Variants in OR2B2 observed in about 807,000 individuals in gnomAD.
The protein encoded by OR2B2 is olfactory receptor family 2 subfamily B member 2, also known as olfactory receptor 2B2.
For synonymous variants in OR2B2, 137 were observed against 150.9 expected (o/e 0.91, Z 0.67); for missense variants, 362 against 422.4 (o/e 0.86, Z 1.25).
rs1267542809 is a variant in OR2B2 at position 27,912,147 on chromosome 6, G to C, written c.173C>G (p.Pro58Arg). 1 of 1,614,188 alleles carries C rather than the reference G, an allele frequency of 6.2e-7. No individual in the cohort carries two copies. Among genetic ancestry groups the C allele is most frequent in the East Asian group, 2.2e-5 (1 of 44,888 alleles). ...VSHVDFKLHT[P>R]MYFFLSNLSL... ...GAGATTGCTAAGAAAAAAGTACATA[G>C]GGGTGTGGAGTTTGAAATCCACATG... The change falls in exon 1 of 1, where the codon CCT (proline) becomes CGT (arginine). Residue 58 changes from proline (P) to arginine (R), a missense_variant. Coordinates refer to ENST00000303324, the MANE Select transcript of OR2B2 (RefSeq NM_033057.2).
chr6:27,911,287 T>A lies in OR2B2; in HGVS notation c.1033A>T (p.Ile345Leu). 1 of 1,598,002 alleles carries A rather than the reference T, an allele frequency of 6.3e-7. No homozygotes were observed. ...SASCPIFVITIENYCNLPQRK... is the reference protein window; with the variant it reads ...SASCPIFVITLENYCNLPQRK... ...TGAGGGAGATTACAATAGTTTTCTA[T>A]AGTAATGACAAAAATAGGACAACTT... is the stretch of plus-strand genomic sequence containing the variant. Residue 345 changes from isoleucine (I) to leucine (L), a missense_variant, in exon 1 of 1, where the codon ATA (isoleucine) becomes TTA (leucine). By Grantham distance (5) the Ile-to-Leu change is conservative. Coordinates refer to ENST00000303324, the MANE Select transcript of OR2B2 (RefSeq NM_033057.2).
Position 27,911,568 on chromosome 6 carries a change from A to T in OR2B2, c.752T>A (p.Phe251Tyr). 6.2e-7 allele frequency: 1 copy of T among 1,614,104 alleles called. No homozygotes were observed. The highest frequency in any genetic ancestry group is 2.2e-5 in the East Asian group (1 of 44,880). Residue 251 changes from phenylalanine (F) to tyrosine (Y), a missense_variant, in exon 1 of 1, where the codon TTT becomes TAT. Physicochemically the swap from Phe to Tyr is conservative, Grantham distance 22. Transcript: ENST00000303324. Reference sequence around the variant, plus strand: ...GTACATGGAGATAGCTGTACCATAAAAAAGTGACACCACAATTAGATGGGA... The same window carrying T: ...GTACATGGAGATAGCTGTACCATAATAAAGTGACACCACAATTAGATGGGA... ...CGSHLIVVSL[F>Y]YGTAISMYLQ...
At position 27,911,810 on chromosome 6, in the gene OR2B2, A is replaced by G; in HGVS notation, c.510T>C (p.Gly170=). Residue 170 remains glycine, a synonymous_variant, in exon 1 of 1, where the codon GGT becomes GGC. Coordinates refer to ENST00000303324, the MANE Select transcript of OR2B2 (RefSeq NM_033057.2). The part of the protein sequence containing the change: ...STWTLKMPLC[G]HKEVDHFFCE... ...AGAAGAAGTGATCCACTTCTTTGTG[A>G]CCACACAGTGGCATCTTAAGTGTCC... is the stretch of plus-strand genomic sequence containing the variant. 6.2e-7 allele frequency: 1 copy of G among 1,614,204 alleles called. No homozygotes were observed. The highest frequency in any genetic ancestry group is 8.5e-7 in the Non-Finnish European group (1 of 1,180,050).
chr6:27,911,599 A>G lies in OR2B2; in HGVS notation c.721T>C (p.Cys241Arg). Residue 241 changes from cysteine to arginine, a missense_variant, in exon 1 of 1, where the codon TGT becomes CGT. Cys to Arg is a radical substitution (Grantham distance 180). Coordinates refer to ENST00000303324, the MANE Select transcript of OR2B2 (RefSeq NM_033057.2). The part of the protein sequence containing the change: ...AEGQRKAFGT[C>R]GSHLIVVSLF... ...GACACCACAATTAGATGGGAGCCAC[A>G]TGTCCCAAATGCCTTTCGTTGACCT... 1 of 1,614,204 alleles carries G rather than the reference A, an allele frequency of 6.2e-7. No homozygotes were observed.
Position 27,911,287 on chromosome 6 carries a change from T to C in OR2B2, c.1033A>G (p.Ile345Val), listed in dbSNP as rs375458136. 7 of 1,597,884 alleles carry C rather than the reference T, an allele frequency of 4.4e-6. No homozygotes were observed. Among genetic ancestry groups the C allele is most frequent in the South Asian group, 2.3e-5 (2 of 87,754 alleles). Residue 345 changes from isoleucine (I) to valine (V), a missense_variant, in exon 1 of 1, where the codon ATA becomes GTA. Physicochemically the swap from Ile to Val is conservative, Grantham distance 29 (BLOSUM62 3). Coordinates refer to ENST00000303324, the MANE Select transcript of OR2B2 (RefSeq NM_033057.2). ...SASCPIFVIT[I>V]ENYCNLPQRK... The stretch of plus-strand genomic sequence containing the variant: ...TGAGGGAGATTACAATAGTTTTCTA[T>C]AGTAATGACAAAAATAGGACAACTT...
chr6:27,911,590 G>A lies in OR2B2; in HGVS notation c.730C>T (p.His244Tyr), dbSNP rs1173046814. 9 of 1,613,998 alleles carry A rather than the reference G, an allele frequency of 5.6e-6. No homozygotes were observed. The highest frequency in any genetic ancestry group is 7.6e-6 in the Non-Finnish European group (9 of 1,180,000). Residue 244 changes from histidine to tyrosine, a missense_variant, in exon 1 of 1, where the codon CAT becomes TAT. By Grantham distance (83) the His-to-Tyr change is moderately conservative. Transcript: ENST00000303324. ...TAAAAAAGTGACACCACAATTAGAT[G>A]GGAGCCACATGTCCCAAATGCCTTT... ...QRKAFGTCGS[H>Y]LIVVSLFYGT... is the part of the protein sequence containing the mutation.
chr6:27,912,086 A>C lies in OR2B2; in HGVS notation c.234T>G (p.Val78=). 2 of 1,614,260 alleles carry C rather than the reference A, an allele frequency of 1.2e-6. No homozygotes were observed. The highest frequency in any genetic ancestry group is 1.7e-6 in the Non-Finnish European group (2 of 1,180,036). The change falls in exon 1 of 1, where the codon GTT becomes GTG. Residue 78 remains valine, a synonymous_variant. Coordinates refer to ENST00000303324, the MANE Select transcript of OR2B2 (RefSeq NM_033057.2). ...TGCATATGTTTACCAGCATTTGTGG[A>C]ACTGTACTTGTGGTATAGCAAAGGT... ...LLDLCYTTST[V]PQMLVNICNT...
Position 27,911,974 on chromosome 6 carries a change from C to T in OR2B2, c.346G>A (p.Ala116Thr). ...ACAAACCTATCAAAGCACATGACGG[C>T]CAGGAGAAGACATTCTGTGGAACCC... ...ALGSTECLLL[A>T]VMCFDRFVAI... Residue 116 changes from alanine (A) to threonine (T), a missense_variant, in exon 1 of 1, where the codon GCC becomes ACC. Coordinates refer to ENST00000303324, the MANE Select transcript of OR2B2 (RefSeq NM_033057.2). The T allele has an allele frequency of 1.9e-6, 3 of 1,614,116 alleles. No homozygotes were observed. The highest frequency in any genetic ancestry group is 2.2e-5 in the South Asian group (2 of 91,080).
Position 27,912,345 on chromosome 6 carries a change from C to A in OR2B2, c.-26G>T. 1 of 1,413,594 alleles carries A rather than the reference C, an allele frequency of 7.1e-7. No homozygotes were observed. The highest frequency in any genetic ancestry group is 1.3e-5 in the South Asian group (1 of 74,332). 87.6% of individuals were successfully genotyped at this position (1,413,594 alleles called of 1,614,324 possible). A position where few individuals can be genotyped will look rare whatever the true frequency, so the allele number is the denominator to read the frequency against. On this transcript the variant is annotated 5_prime_UTR_variant, in exon 1 of 1. Coordinates refer to ENST00000303324, the MANE Select transcript of OR2B2 (RefSeq NM_033057.2). ...GTTAAATGGTTCAACTCTTCGTTCT[C>A]TGAAATATAAGAAGTCAGGAAGTTA...
rs200384354 is a variant in OR2B2 at position 27,911,314 on chromosome 6, C to T, written c.1006G>A (p.Ala336Thr). The change falls in exon 1 of 1, where the codon GCA becomes ACA. Residue 336 changes from alanine (A) to threonine (T), a missense_variant. By Grantham distance (58) the Ala-to-Thr change is moderately conservative (BLOSUM62 0). Coordinates refer to ENST00000303324, the MANE Select transcript of OR2B2 (RefSeq NM_033057.2). Reference sequence around the variant, plus strand: ...GTAATGACAAAAATAGGACAACTTGCGGAGAAGTTAGTAAGGTAAGTAAGC... The same window carrying T: ...GTAATGACAAAAATAGGACAACTTGTGGAGAAGTTAGTAAGGTAAGTAAGC... Reference protein sequence around the residue: ...TVLTYLTNFSASCPIFVITIE... With the variant: ...TVLTYLTNFSTSCPIFVITIE... 1.5e-5 allele frequency: 24 copies of T among 1,607,850 alleles called. No individual in the cohort carries two copies. Among genetic ancestry groups the T allele is most frequent in the Middle Eastern group, 1.7e-4 (1 of 6,026 alleles).
chr6:27,912,054 C>T lies in OR2B2; in HGVS notation c.266G>A (p.Arg89Lys). 2 of 1,614,196 alleles carry T rather than the reference C, an allele frequency of 1.2e-6. No individual in the cohort carries two copies. The highest frequency in any genetic ancestry group is 1.7e-6 in the Non-Finnish European group (2 of 1,180,036). The change falls in exon 1 of 1, where the codon AGG (arginine) becomes AAG (lysine). Residue 89 changes from arginine (R) to lysine (K), a missense_variant. Physicochemically the swap from Arg to Lys is conservative, Grantham distance 26 (BLOSUM62 2). Coordinates refer to ENST00000303324, the MANE Select transcript of OR2B2 (RefSeq NM_033057.2). ...PQMLVNICNTRKVISYGGCVA... is the reference protein window; with the variant it reads ...PQMLVNICNTKKVISYGGCVA... ...ACAGCCACCATAACTGATTACTTTC[C>T]TGGTGTTGCATATGTTTACCAGCAT...
Position 27,912,064 on chromosome 6 carries a change from A to G in OR2B2, c.256T>C (p.Cys86Arg). ...TAACTGATTACTTTCCTGGTGTTGC[A>G]TATGTTTACCAGCATTTGTGGAACT... ...STVPQMLVNI[C>R]NTRKVISYGG... The change falls in exon 1 of 1, where the codon TGC becomes CGC. Residue 86 changes from cysteine to arginine, a missense_variant. Transcript: ENST00000303324. The G allele has an allele frequency of 6.2e-7, 1 of 1,614,218 alleles. No individual in the cohort carries two copies. Among genetic ancestry groups the G allele is most frequent in the South Asian group, 1.1e-5 (1 of 91,090 alleles).
chr6:27,912,303 T>C lies in OR2B2; in HGVS notation c.17A>G (p.Lys6Arg). The C allele has an allele frequency of 6.3e-7, 1 of 1,594,772 alleles. No homozygotes were observed. MNWVN[K>R]SVPQEFILLV... is the part of the protein sequence containing the mutation. Reference sequence around the variant, plus strand: ...CAGAATGAACTCCTGTGGGACACTCTTATTTACCCAATTCATGTTAAATGG... The same window carrying C: ...CAGAATGAACTCCTGTGGGACACTCCTATTTACCCAATTCATGTTAAATGG... The change falls in exon 1 of 1, where the codon AAG becomes AGG. Residue 6 changes from lysine to arginine, a missense_variant. Coordinates refer to ENST00000303324, the MANE Select transcript of OR2B2 (RefSeq NM_033057.2).
Position 27,911,855 on chromosome 6 carries a change from A to T in OR2B2, c.465T>A (p.Asn155Lys), listed in dbSNP as rs748216466. The T allele has an allele frequency of 3.7e-6, 6 of 1,614,198 alleles. No individual in the cohort carries two copies. The East Asian group carries it at 1.3e-4, about 36-fold the overall frequency. The change falls in exon 1 of 1, where the codon AAT becomes AAA. Residue 155 changes from asparagine to lysine, a missense_variant. Coordinates refer to ENST00000303324, the MANE Select transcript of OR2B2 (RefSeq NM_033057.2). Reference protein sequence around the residue: ...AAASWISGFSNSVLQSTWTLK... With the variant: ...AAASWISGFSKSVLQSTWTLK... ...GTGTCCAGGTGGACTGTAATACTGA[A>T]TTGCTAAAGCCACTAATCCAGGATG...
rs1762208814 is a variant in OR2B2, at chr6:27,912,210, A to G, written c.110T>C (p.Leu37Ser). The G allele has an allele frequency of 6.2e-7, 1 of 1,614,242 alleles. No individual in the cohort carries two copies. The highest frequency in any genetic ancestry group is 1.3e-5 in the African/African-American group (1 of 75,060). The change falls in exon 1 of 1, where the codon TTG becomes TCG. Residue 37 changes from leucine to serine, a missense_variant. Leu to Ser is a moderately radical substitution (Grantham distance 145, BLOSUM62 -2). Transcript: ENST00000303324. ...TATTGTCAGATTGCCAAAGATTGTCAAGATATAGGAAAACAGAAACATCAC... is the reference window on the plus strand; with the variant it reads ...TATTGTCAGATTGCCAAAGATTGTCGAGATATAGGAAAACAGAAACATCAC... ...PFVMFLFSYI[L>S]TIFGNLTIIL...
Position 27,911,958 on chromosome 6 carries a change from T to TC in OR2B2, c.361dup (p.Asp121GlyfsTer2), listed in dbSNP as rs1248972493. ...AGGCCGACAAATAGCTACAAACCTA[T>TC]CAAAGCACATGACGGCCAGGAGAAG... On this transcript the variant is annotated frameshift_variant, in exon 1 of 1. Transcript: ENST00000303324. LOFTEE classifies it low-confidence loss of function (END_TRUNC). 1 of 1,614,022 alleles carries TC rather than the reference T, an allele frequency of 6.2e-7. No homozygotes were observed. Among genetic ancestry groups the TC allele is most frequent in the East Asian group, 2.2e-5 (1 of 44,882 alleles).
chr6:27,911,678 G>C lies in OR2B2; in HGVS notation c.642C>G (p.Ile214Met). 6.2e-7 allele frequency: 1 copy of C among 1,614,052 alleles called. No individual in the cohort carries two copies. Among genetic ancestry groups the C allele is most frequent in the East Asian group, 2.2e-5 (1 of 44,880 alleles). The part of the protein sequence containing the change: ...VLFLLIPVTL[I>M]LISYAFIVQA... ...GGACAATAAAAGCATACGATATAAG[G>C]ATGAGTGTCACGGGTATTAGAAGGA... is the stretch of plus-strand genomic sequence containing the variant. Residue 214 changes from isoleucine to methionine, a missense_variant, in exon 1 of 1, where the codon ATC (isoleucine) becomes ATG (methionine). Physicochemically the swap from Ile to Met is conservative, Grantham distance 10. Transcript: ENST00000303324.
In OR2B2 at chr6:27,912,299, ACT is replaced by A. The variant is rs762502395; in HGVS notation, c.19_20del (p.Ser7CysfsTer57). On this transcript the variant is annotated frameshift_variant, in exon 1 of 1. Transcript: ENST00000303324. LOFTEE classifies it low-confidence loss of function (END_TRUNC). ...CTAACAGAATGAACTCCTGTGGGACACTCTTATTTACCCAATTCATGTTAAAT... is the reference window on the plus strand; with the variant it reads ...CTAACAGAATGAACTCCTGTGGGACACTTATTTACCCAATTCATGTTAAAT... MNWVNK[S>X]VPQEFILLVF... The A allele has an allele frequency of 6.3e-7, 1 of 1,597,920 alleles. No homozygotes were observed. Among genetic ancestry groups the A allele is most frequent in the Non-Finnish European group, 8.5e-7 (1 of 1,172,088 alleles).
rs1259162076 is a variant in OR2B2, at chr6:27,911,288, A to G, written c.1032T>C (p.Thr344=). Residue 344 remains threonine (T), a synonymous_variant, in exon 1 of 1, where the codon ACT becomes ACC. Transcript: ENST00000303324. ...FSASCPIFVI[T]IENYCNLPQR... ...GAGGGAGATTACAATAGTTTTCTAT[A>G]GTAATGACAAAAATAGGACAACTTG... The G allele has an allele frequency of 1.3e-6, 2 of 1,596,878 alleles. No homozygotes were observed. Among genetic ancestry groups the G allele is most frequent in the Non-Finnish European group, 1.7e-6 (2 of 1,173,916 alleles).
Sources: gnomAD v4.1 joint callset for allele counts on GRCh38, gnomAD v4.1.1 for gene constraint, MANE v1.5 for transcripts, NCBI Gene and HGNC (gene_info 2026-07-23, HGNC 2026-07-21) for gene names.